The following GLIPR1L1 variants were observed in gnomAD, a reference collection of about 807,000 sequenced individuals.
The protein encoded by GLIPR1L1 is GLIPR1-like protein 1.
A neutral mutation model predicts 29.9 loss-of-function variants in GLIPR1L1; 26 were observed. The observed-to-expected ratio is 0.87, with a 90% CI of 0.64 to 1.21. The LOEUF is 1.21. Among genes scored for constraint, GLIPR1L1 ranks in the 50% most tolerant of loss-of-function variants. The pLI, the probability that GLIPR1L1 is intolerant of heterozygous loss-of-function variation, is 0.00. For synonymous variants in GLIPR1L1, 77 were observed against 97.5 expected (o/e 0.79, Z 1.24); for missense variants, 305 against 290.3 (o/e 1.05, Z -0.37).
At chr12:75,338,091 G>A (rs1305388834) in intron 1 of GLIPR1L1, among the ~76,000 whole-genome samples, 1 of 152,034 alleles carries the variant, frequency 6.6e-6, no homozygotes, top group African/African-American at 2.4e-5. Flanking sequence ...AACTGAAAGA[G>A]AAAACCTTTT....
At chr12:75,336,070 A>T (rs925919598) in intron 1 of GLIPR1L1, among the ~76,000 whole-genome samples, 2 of 152,032 alleles carry the variant, frequency 1.3e-5, no homozygotes, top group African/African-American at 2.4e-5. Flanking sequence ...ACCAATGCAT[A>T]AAAAATGAAG....
rs780568870 is a variant in GLIPR1L1, at chr12:75,369,961, G to A, written c.612G>A (p.Arg204=). 6 of 1,090,136 alleles carry A rather than the reference G, an allele frequency of 5.5e-6. No homozygotes were observed. The highest frequency in any genetic ancestry group is 1.7e-5 in the South Asian group (1 of 58,888). The allele number at this position is 1,090,136 out of a possible 1,614,324, so 67.5% of individuals were successfully genotyped here. Residue 204 remains arginine, a splice_region_variant and synonymous_variant, in exon 5 of 6, where the codon AGG becomes AGA. Transcript: ENST00000378695. ...TATTAACTTTAATTTTTACTTTAGGGACTCCACAACTTATTATACCTAACC... is the reference window on the plus strand; with the variant it reads ...TATTAACTTTAATTTTTACTTTAGGAACTCCACAACTTATTATACCTAACC... The part of the protein sequence containing the change: ...KEEKCVKNLC[R]TPQLIIPNQN...
intron 4 of GLIPR1L1, among the ~76,000 whole-genome samples, chr12:75,368,389 A>C (rs892954683): frequency 6.6e-6 from 1 of 151,516 alleles, no homozygotes; most frequent in Non-Finnish European, 1.5e-5. Context: ...TCTTGAACTA[A>C]TGCTACTTCT....
chr12:75,356,301 A>G (rs537905898), intron 3 of GLIPR1L1, among the ~76,000 whole-genome samples: 7 of 152,200 alleles, frequency 4.6e-5, no homozygotes, highest in Non-Finnish European at 1.0e-4. Flanking sequence ...AACATTAAAT[A>G]TGTTTATAGA....
In GLIPR1L1 at chr12:75,343,778, A is replaced by G. The variant is rs752934914; in HGVS notation, c.260A>G (p.Tyr87Cys). The stretch of plus-strand genomic sequence containing the variant: ...CATAATGACTGTTTGGATAAATCAT[A>G]TAAATGCTATGCAGCTTTTGAATAT... ...FEHNDCLDKSYKCYAAFEYVG... is the reference protein window; with the variant it reads ...FEHNDCLDKSCKCYAAFEYVG... The change falls in exon 2 of 6, where the codon TAT (tyrosine) becomes TGT (cysteine). Residue 87 changes from tyrosine (Y) to cysteine (C), a missense_variant. By Grantham distance (194) the Tyr-to-Cys change is radical. Coordinates refer to ENST00000378695, the MANE Select transcript of GLIPR1L1 (RefSeq NM_001304964.2). The G allele has an allele frequency of 6.8e-6, 11 of 1,613,002 alleles. No individual in the cohort carries two copies. The highest frequency in any genetic ancestry group is 9.3e-6 in the Non-Finnish European group (11 of 1,179,144).
rs542041982 is a variant in GLIPR1L1 at position 75,346,445 on chromosome 12, C to T, written c.421-1177C>T. Among the ~76,000 whole-genome samples the T allele has an allele frequency of 2.6e-5, 4 of 151,776 alleles. No individual in the cohort carries two copies. The South Asian group carries it at 8.3e-4, about 32-fold the overall frequency. ...TCGCCCTGTAACCCAGACTGGAGTA[C>T]AGTGGCGTGATCTCAACTCACTGCA... On this transcript the variant is annotated intron_variant, in intron 2 of 5. Transcript: ENST00000378695.
intron 4 of GLIPR1L1, among the ~76,000 whole-genome samples, chr12:75,368,228 T>C (rs2044118393): frequency 6.6e-6 from 1 of 151,744 alleles, no homozygotes; most frequent in Non-Finnish European, 1.5e-5. Context: ...CCTTAAGAGA[T>C]GGCTAGATTC....
intron 1 of GLIPR1L1, among the ~76,000 whole-genome samples, chr12:75,340,474 A>T (rs1467911837): frequency 1.3e-5 from 2 of 151,918 alleles, no homozygotes; most frequent in Non-Finnish European, 2.9e-5. Flanking sequence ...AACTATTAGA[A>T]GAAAAACAGG....
chr12:75,346,676 C>T (rs1252497048), intron 2 of GLIPR1L1, among the ~76,000 whole-genome samples: 1 of 152,110 alleles, frequency 6.6e-6, no homozygotes, highest in African/African-American at 2.4e-5. Flanking sequence ...TCTCAGTTCA[C>T]TTTGATTTTT....
intron 3 of GLIPR1L1, among the ~76,000 whole-genome samples, chr12:75,349,653 C>CTGAGA (rs2042675475): frequency 6.6e-6 from 1 of 152,064 alleles, no homozygotes; most frequent in Non-Finnish European, 1.5e-5. Flanking sequence ...ACTACAATGT[C>CTGAGA]TGAGATTTTT....
intron 1 of GLIPR1L1, 64 bp downstream of exon 1, chr12:75,334,966 A>G: frequency 6.8e-7 from 1 of 1,470,112 alleles, no homozygotes; most frequent in Non-Finnish European, 9.3e-7. Context: ...TGGGTGATAA[A>G]TTTCACGGAC....
intron 1 of GLIPR1L1, among the ~76,000 whole-genome samples, chr12:75,340,162 A>G (rs1286962236): frequency 6.7e-6 from 1 of 148,648 alleles, no homozygotes; most frequent in Middle Eastern, 3.5e-3. Flanking sequence ...ATATGTATAA[A>G]TATATATATA....
intron 3 of GLIPR1L1, among the ~76,000 whole-genome samples, chr12:75,348,354 G>T (rs2042587575): frequency 6.6e-6 from 1 of 152,156 alleles, no homozygotes; most frequent in South Asian, 2.1e-4. Flanking sequence ...TGATGAAAAG[G>T]AGCTGAGATA....
In GLIPR1L1 at chr12:75,343,754, A is replaced by G. The variant is rs2042267421; in HGVS notation, c.236A>G (p.His79Arg). Reference protein sequence around the residue: ...KAWANQCKFEHNDCLDKSYKC... With the variant: ...KAWANQCKFERNDCLDKSYKC... ...TGGGCAAACCAGTGCAAATTTGAAC[A>G]TAATGACTGTTTGGATAAATCATAT... The change falls in exon 2 of 6, where the codon CAT becomes CGT. Residue 79 changes from histidine to arginine, a missense_variant. By Grantham distance (29) the His-to-Arg change is conservative. Coordinates refer to ENST00000378695, the MANE Select transcript of GLIPR1L1 (RefSeq NM_001304964.2). 1.9e-6 allele frequency: 3 copies of G among 1,612,724 alleles called. No homozygotes were observed. The Admixed American group carries it at 5.0e-5, about 27-fold the overall frequency.
chr12:75,356,751 T>C (rs917064927), intron 3 of GLIPR1L1, among the ~76,000 whole-genome samples: 2 of 152,124 alleles, frequency 1.3e-5, no homozygotes, highest in African/African-American at 4.8e-5. Flanking sequence ...AAACAGAAAT[T>C]GCACAATTGG....
chr12:75,364,604 A>G (rs756916643), intron 4 of GLIPR1L1, among the ~76,000 whole-genome samples: 3 of 152,232 alleles, frequency 2.0e-5, no homozygotes, highest in Non-Finnish European at 4.4e-5. Flanking sequence ...CAACAAACAA[A>G]AACACAAAGG....
chr12:75,341,453 CT>C (rs1172525970), intron 1 of GLIPR1L1, among the ~76,000 whole-genome samples: 1 of 151,624 alleles, frequency 6.6e-6, no homozygotes, highest in Non-Finnish European at 1.5e-5. Context: ...TTTTCTTTTT[CT>C]TTTTTTCTTT....
intron 3 of GLIPR1L1, among the ~76,000 whole-genome samples, chr12:75,356,426 T>C (rs908374099): frequency 1.3e-5 from 2 of 152,174 alleles, no homozygotes; most frequent in Non-Finnish European, 2.9e-5. Context: ...ATATGTAAAA[T>C]TGAACCACCT....
intron 2 of GLIPR1L1, among the ~76,000 whole-genome samples, chr12:75,345,368 G>C (rs1356055996): frequency 6.6e-6 from 1 of 151,914 alleles, no homozygotes; most frequent in African/African-American, 2.4e-5. Flanking sequence ...ATTTCAGATA[G>C]AAGTGTAAGT....
Sources: gnomAD v4.1 joint callset for allele counts (sites outside exome capture counted in the v4.1 genomes callset) on GRCh38, gnomAD v4.1.1 for gene constraint, MANE v1.5 for transcripts, NCBI Gene and HGNC (gene_info 2026-07-23, HGNC 2026-07-21) for gene names.